The following CHRNB3 variants were observed in gnomAD, a reference collection of about 807,000 sequenced individuals.
The protein encoded by CHRNB3 is neuronal acetylcholine receptor subunit beta-3.
In CHRNB3, 37 loss-of-function variants were observed where a neutral mutation model predicts 40.6. The ratio of observed to expected loss-of-function variants is 0.91; its 90% CI spans 0.70 to 1.20. CHRNB3 has a LOEUF of 1.20. Ranked by LOEUF, CHRNB3 falls within the 50% of genes most tolerant of loss-of-function variation. The probability of loss-of-function intolerance (pLI) is 0.00; values close to 1 mark genes in which losing one functional copy is unlikely to be tolerated. For synonymous variants in CHRNB3, 207 were observed against 207.1 expected, an observed-to-expected ratio of 1.00 and a Z score of 0.00; for missense variants, 505 against 551.2, an observed-to-expected ratio of 0.92 and a Z score of 0.84.
At chr8:42,701,711 T>C (rs1281731437) in intron 1 of CHRNB3, among the ~76,000 whole-genome samples, 1 of 152,220 alleles carries the variant, frequency 6.6e-6, no homozygotes, top group Non-Finnish European at 1.5e-5. Context: ...TCCAATCCCC[T>C]GGTAGCTGTG....
At chr8:42,709,725 A>G (rs1815980485) in intron 2 of CHRNB3, among the ~76,000 whole-genome samples, 1 of 152,204 alleles carries the variant, frequency 6.6e-6, no homozygotes, top group African/African-American at 2.4e-5. Context: ...TCCGTTTCCC[A>G]GGTTCAAGTG....
At chr8:42,708,315 A>C (rs1417438567) in intron 1 of CHRNB3, among the ~76,000 whole-genome samples, 1 of 152,022 alleles carries the variant, frequency 6.6e-6, no homozygotes, top group East Asian at 1.9e-4. Flanking sequence ...AAATACAAAA[A>C]ATTAGCCGGG....
chr8:42,731,530 G>T, intron 4 of CHRNB3, 137 bp from the exon 5 acceptor site: 1 of 975,666 alleles, frequency 1.0e-6, no homozygotes, highest in Non-Finnish European at 1.5e-6. Context: ...ACTCCAGCCC[G>T]GGCGATAGAG....
chr8:42,712,506 T>G (rs563433735), intron 3 of CHRNB3, among the ~76,000 whole-genome samples: 1 of 152,334 alleles, frequency 6.6e-6, no homozygotes, highest in East Asian at 1.9e-4. Flanking sequence ...TCTACTTATC[T>G]GATTCTCTAA....
chr8:42,732,951 T>TTAA (rs1816455737), intron 5 of CHRNB3, among the ~76,000 whole-genome samples: 1 of 152,160 alleles, frequency 6.6e-6, no homozygotes, highest in African/African-American at 2.4e-5. Context: ...AAGAATGAGA[T>TTAA]TTTTAAATTA....
intron 2 of CHRNB3, 71 bp downstream of exon 2, chr8:42,708,939 AT>A: frequency 2.9e-6 from 4 of 1,371,598 alleles, no homozygotes; most frequent in Admixed American, 2.5e-5. Flanking sequence ...TAAAATATAT[AT>A]TTTTCCCTAT....
At chr8:42,722,053 T>A (rs1054041206) in intron 3 of CHRNB3, 2 of 152,136 alleles carry the variant, frequency 1.3e-5, no homozygotes, top group Non-Finnish European at 2.9e-5. Flanking sequence ...TTTTATCTCC[T>A]AATCTGATTT....
chr8:42,705,181 T>C (rs1815900669), intron 1 of CHRNB3, among the ~76,000 whole-genome samples: 2 of 152,220 alleles, frequency 1.3e-5, no homozygotes, highest in Non-Finnish European at 2.9e-5. Flanking sequence ...TCTAACTGGC[T>C]ACATGTGCCA....
At chr8:42,730,790 T>A in intron 4 of CHRNB3, 87 bp downstream of exon 4, 1 of 702,302 alleles carries the variant, frequency 1.4e-6, no homozygotes, top group Non-Finnish European at 2.2e-6. Context: ...GGCTCACGCC[T>A]GTAATCCCAG....
chr8:42,715,261 CAGG>C (rs1468477816), intron 3 of CHRNB3, among the ~76,000 whole-genome samples: 1 of 152,050 alleles, frequency 6.6e-6, no homozygotes, highest in Non-Finnish European at 1.5e-5. Context: ...GGAAAGCTCC[CAGG>C]AGGAGGGGAT....
intron 3 of CHRNB3, among the ~76,000 whole-genome samples, chr8:42,722,518 G>A (rs1401785317): frequency 6.6e-6 from 1 of 152,072 alleles, no homozygotes; most frequent in Non-Finnish European, 1.5e-5. Flanking sequence ...CTTGGACACA[G>A]TACAGTATGA....
chr8:42,700,236 C>A (rs528869218), intron 1 of CHRNB3, among the ~76,000 whole-genome samples: 1 of 152,062 alleles, frequency 6.6e-6, no homozygotes, highest in South Asian at 2.1e-4. Flanking sequence ...AGGATGGTCT[C>A]AATCTCCTGA....
In CHRNB3 at chr8:42,736,564, C is replaced by T. The variant is rs775900001; in HGVS notation, c.1323C>T (p.Gly441=). The part of the protein sequence containing the change: ...LWLFLIVSVT[G]SVLIFTPALK... ...TCTTTCTGATAGTGTCAGTAACAGG[C>T]TCGGTTCTGATTTTTACCCCTGCTT... is the stretch of plus-strand genomic sequence containing the variant. Residue 441 remains glycine (G), a synonymous_variant, in exon 6 of 6, where the codon GGC becomes GGT. Transcript: ENST00000289957. The T allele has an allele frequency of 6.2e-6, 10 of 1,614,022 alleles. No individual in the cohort carries two copies. The highest frequency in any genetic ancestry group is 8.5e-6 in the Non-Finnish European group (10 of 1,180,020).
At chr8:42,729,448 T>C (rs1393820040) in intron 3 of CHRNB3, among the ~76,000 whole-genome samples, 4 of 152,054 alleles carry the variant, frequency 2.6e-5, no homozygotes, top group Non-Finnish European at 5.9e-5. Context: ...TGCCATTTTG[T>C]TATACTTCAG....
At chr8:42,700,024 T>C (rs988665838) in intron 1 of CHRNB3, among the ~76,000 whole-genome samples, 1 of 151,890 alleles carries the variant, frequency 6.6e-6, no homozygotes, top group African/African-American at 2.4e-5. Flanking sequence ...CTTTTCTTTT[T>C]TTTTTTTGAG....
At chr8:42,705,058 T>G (rs749738509) in intron 1 of CHRNB3, among the ~76,000 whole-genome samples, 2 of 152,178 alleles carry the variant, frequency 1.3e-5, no homozygotes, top group Non-Finnish European at 2.9e-5. Context: ...GACAGATAAG[T>G]GGCCAAATCT....
In CHRNB3 at chr8:42,709,349, G is replaced by A. The variant is rs182830660; in HGVS notation, c.204+481G>A. ...CGTCACCTCTTCTGAACTCACCCAT[G>A]CCTTCACATTCTAATTTTCCTTTTG... On this transcript the variant is annotated intron_variant, in intron 2 of 5. Coordinates refer to ENST00000289957, the MANE Select transcript of CHRNB3 (RefSeq NM_000749.5). 5.0e-3 allele frequency among the ~76,000 whole-genome samples: 751 copies of A among 151,626 alleles called. 9 individuals are homozygous for A. The highest frequency in any genetic ancestry group is 0.017 in the African/African-American group (712 of 40,940).
chr8:42,731,998 C>A lies in CHRNB3; in HGVS notation c.691C>A (p.Arg231Ser), dbSNP rs767219331. The A allele has an allele frequency of 2.5e-6, 4 of 1,614,004 alleles. No individual in the cohort carries two copies. In the Admixed American group the frequency reaches 5.0e-5, roughly 20 times the overall value. The change falls in exon 5 of 6, where the codon CGC becomes AGC. Residue 231 changes from arginine to serine, a missense_variant. Coordinates refer to ENST00000289957, the MANE Select transcript of CHRNB3 (RefSeq NM_000749.5). ...PFITYSFVLR[R>S]LPLFYTLFLI... ...TATCACGTATTCCTTCGTCCTGAGA[C>A]GCCTGCCTTTATTCTATACCCTCTT...
At chr8:42,724,829 A>C (rs1213815145) in intron 3 of CHRNB3, among the ~76,000 whole-genome samples, 1 of 151,954 alleles carries the variant, frequency 6.6e-6, no homozygotes, top group Non-Finnish European at 1.5e-5. Context: ...AAATACAAAA[A>C]AAATTAGCTG....
Sources: gnomAD v4.1 joint callset for allele counts (sites outside exome capture counted in the v4.1 genomes callset) on GRCh38, gnomAD v4.1.1 for gene constraint, MANE v1.5 for transcripts, NCBI Gene and HGNC (gene_info 2026-07-23, HGNC 2026-07-21) for gene names.